Variants in PRPF8 observed in about 807,000 individuals in gnomAD.
PRPF8 encodes pre-mRNA processing factor 8, also known as pre-mRNA-processing-splicing factor 8.
In PRPF8, 64 loss-of-function variants were observed where a neutral mutation model predicts 285.9. The observed-to-expected ratio is 0.22, with a 90% confidence interval of 0.18 to 0.28. PRPF8 has a LOEUF of 0.28. Among genes scored for constraint, PRPF8 ranks in the 10% least tolerant of loss-of-function variants. The probability of loss-of-function intolerance (pLI) is 1.00; values close to 1 mark genes in which losing one functional copy is unlikely to be tolerated. For synonymous variants in PRPF8, 1,325 were observed against 1,118.2 expected (o/e 1.18, Z -3.69); for missense variants, 1,426 against 3,026.7 (o/e 0.47, Z 12.41).
At chr17:1,655,219 A>G (rs1192632916) in intron 37 of PRPF8, 131 bp downstream of exon 37, 5 of 1,015,264 alleles carry the variant, frequency 4.9e-6, no homozygotes, top group Non-Finnish European at 7.4e-6. Context: ...TGGCCTCCCA[A>G]AGTGCTGGGA....
At chr17:1,684,697 C>G (rs1222604423) in intron 1 of PRPF8, 83 bp downstream of exon 1, 6 of 961,070 alleles carry the variant, frequency 6.2e-6, no homozygotes, top group Non-Finnish European at 9.7e-6. Flanking sequence ...GTGCATCCAG[C>G]CCCGCCCGGC....
At position 1,675,910 on chromosome 17, in the gene PRPF8, T is replaced by G; in HGVS notation, c.2679+18A>C. 4 of 1,613,948 alleles carry G rather than the reference T, an allele frequency of 2.5e-6. No individual in the cohort carries two copies. The highest frequency in any genetic ancestry group is 1.1e-5 in the South Asian group (1 of 91,072). On this transcript the variant is annotated intron_variant, in intron 18 of 42. Transcript: ENST00000304992. This position sits in a 1 kb window ranked among gnomAD's most constrained non-coding sequence, Gnocchi z 6.0. Reference sequence around the variant, plus strand: ...CCTTTGGTAGAACCAAAAAGAAAACTTGGGAGGCCTCACTCACCTCTTTGA... The same window carrying G: ...CCTTTGGTAGAACCAAAAAGAAAACGTGGGAGGCCTCACTCACCTCTTTGA...
Position 1,676,374 on chromosome 17 carries a change from T to C in PRPF8, c.2389-4A>G. The C allele has an allele frequency of 6.2e-7, 1 of 1,614,134 alleles. No homozygotes were observed. The highest frequency in any genetic ancestry group is 1.1e-5 in the South Asian group (1 of 91,080). On this transcript the variant is annotated splice_region_variant and splice_polypyrimidine_tract_variant and intron_variant, in intron 16 of 42. Coordinates refer to ENST00000304992, the MANE Select transcript of PRPF8 (RefSeq NM_006445.4). This position sits in a 1 kb window ranked among gnomAD's most constrained non-coding sequence, Gnocchi z 6.3. ...CCGCTGTGATGTAAGGCCCGTCCTGTAAGGTGGACATGAAATTAGCCTCCC... is the reference window on the plus strand; with the variant it reads ...CCGCTGTGATGTAAGGCCCGTCCTGCAAGGTGGACATGAAATTAGCCTCCC...
rs375341985 is a variant in PRPF8 at position 1,661,953 on chromosome 17, G to T, written c.3975C>A (p.Leu1325=). The T allele has an allele frequency of 1.9e-6, 3 of 1,614,144 alleles. No homozygotes were observed. Among genetic ancestry groups the T allele is most frequent in the South Asian group, 1.1e-5 (1 of 91,076 alleles). ...GCACATGGCCCATTGAGAGCATGCC[G>T]AGTCCACCCAACTCCTTAGGGGTGT... is the stretch of plus-strand genomic sequence containing the variant. The part of the protein sequence containing the change: ...VFYTPKELGG[L]GMLSMGHVLI... Residue 1325 remains leucine, a synonymous_variant, in exon 25 of 43, where the codon CTC becomes CTA. Transcript: ENST00000304992. This position sits in a 1 kb window ranked among gnomAD's most constrained non-coding sequence, Gnocchi z 7.3.
rs1397742571 is a variant in PRPF8 at position 1,666,158 on chromosome 17, T to A, written c.3775-4005A>T. Among the ~76,000 whole-genome samples, 6 of 142,510 alleles carry A rather than the reference T, an allele frequency of 4.2e-5. No individual in the cohort carries two copies. In the South Asian group the frequency reaches 1.1e-3, roughly 25 times the overall value. The allele number at this position is 142,510 out of a possible 152,430, so 93.5% of individuals were successfully genotyped here. Reference sequence around the variant, plus strand: ...TCCAACCTGAGTGACAGGGCGAGACTCTGTCTCAAAAAAAAAAAAAGAGAA... The same window carrying A: ...TCCAACCTGAGTGACAGGGCGAGACACTGTCTCAAAAAAAAAAAAAGAGAA... On this transcript the variant is annotated intron_variant, in intron 24 of 42. Transcript: ENST00000304992.
intron 34 of PRPF8, among the ~76,000 whole-genome samples, chr17:1,657,453 G>A (rs901437469): frequency 7.9e-5 from 12 of 152,008 alleles, no homozygotes; most frequent in Non-Finnish European, 1.8e-4. Context: ...AGACCATCCT[G>A]GCCAACATGG....
At chr17:1,677,360 C>G in intron 14 of PRPF8, 188 bp from the exon 15 acceptor site, 1 of 960,054 alleles carries the variant, frequency 1.0e-6, no homozygotes, top group Non-Finnish European at 1.6e-6. Flanking sequence ...TGAGGAATTT[C>G]CACTCCTGCA....
In PRPF8 at chr17:1,673,939, T is replaced by C. The variant is rs1912466641; in HGVS notation, c.3300-47A>G. 1.2e-6 allele frequency: 2 copies of C among 1,604,844 alleles called. No individual in the cohort carries two copies. The highest frequency in any genetic ancestry group is 1.7e-6 in the Non-Finnish European group (2 of 1,179,400). Reference sequence around the variant, plus strand: ...GCTGAGGCCCCAGTACACTGAGATTTGGGACACCCACAAGTCCTCCAGCTC... The same window carrying C: ...GCTGAGGCCCCAGTACACTGAGATTCGGGACACCCACAAGTCCTCCAGCTC... On this transcript the variant is annotated intron_variant, in intron 21 of 42. Transcript: ENST00000304992. This position sits in a 1 kb window ranked among gnomAD's most constrained non-coding sequence, Gnocchi z 5.5.
chr17:1,676,462 A>G lies in PRPF8; in HGVS notation c.2388+43T>C, dbSNP rs550502871. ...AACTCTACAGTCCTCCCTCTTGCCC[A>G]CTCCCCCACCACTCACACCCAGCCC... On this transcript the variant is annotated intron_variant, in intron 16 of 42. Transcript: ENST00000304992. This position sits in a 1 kb window ranked among gnomAD's most constrained non-coding sequence, Gnocchi z 6.3. 1.1e-5 allele frequency: 17 copies of G among 1,612,884 alleles called. No homozygotes were observed. The Admixed American group carries it at 1.2e-4, about 11-fold the overall frequency.
chr17:1,659,150 T>C lies in PRPF8; in HGVS notation c.5138+207A>G, dbSNP rs553808558. The stretch of plus-strand genomic sequence containing the variant: ...AAGTAATTCTCCCACCTCAACCTTC[T>C]GAGTAGCTGGGACTACAGGCGTGGA... On this transcript the variant is annotated intron_variant, in intron 32 of 42. Transcript: ENST00000304992. The surrounding 1 kb of genome is among the most constrained non-coding windows in gnomAD (Gnocchi z 5.1). The C allele has an allele frequency of 1.4e-4, 98 of 677,126 alleles. No individual in the cohort carries two copies. In the African/African-American group the frequency reaches 1.6e-3, roughly 11 times the overall value. 41.9% of individuals were successfully genotyped at this position (677,126 alleles called of 1,614,324 possible).
intron 1 of PRPF8, 79 bp downstream of exon 1, chr17:1,684,701 G>C: frequency 1.0e-6 from 1 of 955,464 alleles, no homozygotes; most frequent in Non-Finnish European, 1.6e-6. Context: ...ATCCAGCCCC[G>C]CCCGGCCTAA....
chr17:1,650,873 G>C lies in PRPF8; in HGVS notation c.6937C>G (p.His2313Asp), dbSNP rs1911001607. The stretch of plus-strand genomic sequence containing the variant: ...TGCAGGAGAGCAAAGTTGAGGAAGT[G>C]AGAGGGCCTGTGCACCTCGTGGTAG... ...EFYHEVHRPS[H>D]FLNFALLQEG... Residue 2313 changes from histidine to aspartate, a missense_variant, in exon 43 of 43, where the codon CAC becomes GAC. This residue lies in a region of PRPF8 where 59 missense variants were observed against 58.6 expected (regional missense o/e 1.01). Coordinates refer to ENST00000304992, the MANE Select transcript of PRPF8 (RefSeq NM_006445.4). 1.2e-6 allele frequency: 2 copies of C among 1,614,096 alleles called. No homozygotes were observed. The highest frequency in any genetic ancestry group is 8.5e-7 in the Non-Finnish European group (1 of 1,180,048).
At chr17:1,674,108 C>T (rs1286925867) in intron 21 of PRPF8, among the ~76,000 whole-genome samples, 2 of 152,176 alleles carry the variant, frequency 1.3e-5, no homozygotes, top group African/African-American at 2.4e-5. Context: ...CTGCAAGCTC[C>T]GCCTCCCAGG....
rs763971728 is a variant in PRPF8, at chr17:1,683,604, G to T, written c.198C>A (p.Val66=). ...AQKEDMPPEH[V]RKIIRDHGDM... ...CTCCATGGTCTCGAATGATCTTCCT[G>T]ACATGTTCTGGGGGCATGTCTTCCT... Residue 66 remains valine, a synonymous_variant, in exon 3 of 43, where the codon GTC becomes GTA. Transcript: ENST00000304992. 2 of 1,614,032 alleles carry T rather than the reference G, an allele frequency of 1.2e-6. No homozygotes were observed. The highest frequency in any genetic ancestry group is 1.7e-5 in the Admixed American group (1 of 59,998).
intron 24 of PRPF8, among the ~76,000 whole-genome samples, chr17:1,664,361 C>T (rs1004864163): frequency 6.6e-6 from 1 of 152,158 alleles, no homozygotes; most frequent in African/African-American, 2.4e-5. Context: ...AAAAATATCA[C>T]TAAGGATATA....
chr17:1,680,622 A>G (rs752356415), intron 8 of PRPF8, 104 bp downstream of exon 8: 24 of 1,065,538 alleles, frequency 2.3e-5, no homozygotes, highest in Admixed American at 3.6e-5. Context: ...ACACTTAGCA[A>G]GACGGAAAAC....
In PRPF8 at chr17:1,680,479, G is replaced by A. The variant is rs933436627; in HGVS notation, c.1098+247C>T. ...CAAACAAACACAATAGAGACAGACC[G>A]GGACAGATTATCTAGAGCACCCAAG... On this transcript the variant is annotated intron_variant, in intron 8 of 42. Transcript: ENST00000304992. 4.6e-5 allele frequency: 27 copies of A among 586,396 alleles called. 1 individual carries two copies. Among genetic ancestry groups the A allele is most frequent in the African/African-American group, 2.6e-4 (14 of 53,632 alleles). 36.3% of individuals were successfully genotyped at this position (586,396 alleles called of 1,614,324 possible). A position where few individuals can be genotyped will look rare whatever the true frequency, so the allele number is the denominator to read the frequency against.
chr17:1,674,332 A>G, intron 21 of PRPF8, 110 bp downstream of exon 21: 1 of 1,187,432 alleles, frequency 8.4e-7, no homozygotes, highest in Non-Finnish European at 1.3e-6. Flanking sequence ...GCTTCATTCC[A>G]TTTTAAAGCC....
chr17:1,673,643 G>C lies in PRPF8; in HGVS notation c.3447-76C>G. The C allele has an allele frequency of 6.2e-7, 1 of 1,611,392 alleles. No homozygotes were observed. The highest frequency in any genetic ancestry group is 1.1e-5 in the South Asian group (1 of 90,994). ...TTCAAAGGCCAACTGATGACATCCT[G>C]ACACAGCCACGCCTCTCCCACCCAG... On this transcript the variant is annotated intron_variant, in intron 22 of 42. Transcript: ENST00000304992. The surrounding 1 kb of genome is among the most constrained non-coding windows in gnomAD (Gnocchi z 5.5).
Sources: allele counts gnomAD v4.1 joint callset (sites outside exome capture counted in the v4.1 genomes callset), GRCh38; gene constraint gnomAD v4.1.1; regional missense constraint gnomAD v4.1.1; non-coding constraint Gnocchi (gnomAD v3.1); transcripts MANE v1.5; gene names NCBI Gene and HGNC (gene_info 2026-07-23, HGNC 2026-07-21).